Variants in GUCA1C observed in about 807,000 individuals in gnomAD.
The protein encoded by GUCA1C is guanylate cyclase activator 1C.
Under a neutral mutation model 16.2 loss-of-function variants are expected in GUCA1C, and 15 were observed. The ratio of observed to expected loss-of-function variants is 0.93; its 90% CI spans 0.62 to 1.43. The LOEUF (loss-of-function observed/expected upper bound fraction) is 1.43. Ranked by LOEUF, GUCA1C falls within the 40% of genes most tolerant of loss-of-function variation. The probability of loss-of-function intolerance (pLI) is 0.00; values close to 1 mark genes in which losing one functional copy is unlikely to be tolerated. For missense variants in GUCA1C, 275 were observed against 244.8 expected (o/e 1.12, Z -0.82); for synonymous variants, 78 against 85.4 (o/e 0.91, Z 0.48).
intron 3 of GUCA1C, among the ~76,000 whole-genome samples, chr3:108,913,717 T>G (rs1290841273): frequency 1.3e-5 from 2 of 152,162 alleles, no homozygotes; most frequent in African/African-American, 4.8e-5. Flanking sequence ...TAGCGATTCA[T>G]AGGTACTCCA....
chr3:108,921,312 T>C (rs186714247), intron 1 of GUCA1C, among the ~76,000 whole-genome samples: 1 of 152,312 alleles, frequency 6.6e-6, no homozygotes, highest in Non-Finnish European at 1.5e-5. Context: ...TACTCCATTG[T>C]CTGGATGTAC....
At chr3:108,935,640 G>C (rs978904072) in intron 1 of GUCA1C, among the ~76,000 whole-genome samples, 1 of 152,022 alleles carries the variant, frequency 6.6e-6, no homozygotes, top group Non-Finnish European at 1.5e-5. Flanking sequence ...AGGTTACAGT[G>C]AGCCAAGATT....
At chr3:108,920,069 T>C (rs1439481118) in intron 2 of GUCA1C, among the ~76,000 whole-genome samples, 2 of 152,214 alleles carry the variant, frequency 1.3e-5, no homozygotes, top group Non-Finnish European at 2.9e-5. Flanking sequence ...ACCTTCATTC[T>C]TAGTCCATGT....
chr3:108,944,593 C>T (rs1463403578), intron 1 of GUCA1C, among the ~76,000 whole-genome samples: 1 of 152,204 alleles, frequency 6.6e-6, no homozygotes, highest in African/African-American at 2.4e-5. Flanking sequence ...TTATGTTGTG[C>T]AGCCCCTGCC....
chr3:108,917,260 A>G (rs1251290622), intron 2 of GUCA1C, among the ~76,000 whole-genome samples: 2 of 152,330 alleles, frequency 1.3e-5, no homozygotes, highest in Non-Finnish European at 1.5e-5. Context: ...GTATCCCCAC[A>G]TTCTGAAGTG....
At chr3:108,930,249 G>C (rs1304774804) in intron 1 of GUCA1C, among the ~76,000 whole-genome samples, 1 of 152,156 alleles carries the variant, frequency 6.6e-6, no homozygotes, top group African/African-American at 2.4e-5. Flanking sequence ...GCCAGGGCCT[G>C]TTTACAAAAC....
At chr3:108,927,642 A>T (rs941450370) in intron 1 of GUCA1C, among the ~76,000 whole-genome samples, 5 of 151,750 alleles carry the variant, frequency 3.3e-5, no homozygotes, top group Admixed American at 1.3e-4. Context: ...TTTTCCTTTC[A>T]TATCCTGTAT....
chr3:108,937,477 T>C (rs1946737768), intron 1 of GUCA1C, among the ~76,000 whole-genome samples: 1 of 152,192 alleles, frequency 6.6e-6, no homozygotes, highest in African/African-American at 2.4e-5. Context: ...AATTTATAAA[T>C]TGAGTAATGT....
At position 108,913,711 on chromosome 3, in the gene GUCA1C, GA is replaced by G. The variant is rs535689670; in HGVS notation, c.442+2415del. Among the ~76,000 whole-genome samples, 300 of 152,170 alleles carry G rather than the reference GA, an allele frequency of 2.0e-3. 2 individuals are homozygous for G. The highest frequency in any genetic ancestry group is 6.8e-3 in the African/African-American group (282 of 41,516). On this transcript the variant is annotated intron_variant, in intron 3 of 3. Transcript: ENST00000261047. The stretch of plus-strand genomic sequence containing the variant: ...GTATATGCATTTGCTAAGAAATAGC[GA>G]TTCATAGGTACTCCAAAGTGTATAT...
chr3:108,910,650 C>T lies in GUCA1C; in HGVS notation c.443-2441G>A, dbSNP rs1039201739. On this transcript the variant is annotated intron_variant, in intron 3 of 3. Transcript: ENST00000261047. The stretch of plus-strand genomic sequence containing the variant: ...TACAGACACATTTCAATTTTTTTTT[C>T]TTCTTCTTCTTTTTTTTGAGACGGA... 4.9e-4 allele frequency among the ~76,000 whole-genome samples: 73 copies of T among 149,378 alleles called. 1 individual carries two copies. Among genetic ancestry groups the T allele is most frequent in the East Asian group, 2.0e-4 (1 of 5,040 alleles).
chr3:108,922,169 AC>A (rs1159382498), intron 1 of GUCA1C, among the ~76,000 whole-genome samples: 3 of 20,704 alleles, frequency 1.4e-4, no homozygotes, highest in East Asian at 8.2e-4. Context: ...AAACACACAC[AC>A]ACACACACAC....
rs573684222 is a variant in GUCA1C, at chr3:108,907,888, A to G, written c.*134T>C. 60 of 636,220 alleles carry G rather than the reference A, an allele frequency of 9.4e-5. 1 individual carries two copies. In the South Asian group the frequency reaches 1.2e-3, roughly 13 times the overall value. 39.4% of individuals were successfully genotyped at this position (636,220 alleles called of 1,614,324 possible). ...TTATGCAAGTCTCTACTGGATTAAA[A>G]TAAGTGCTATATTCACAAGCCTATA... On this transcript the variant is annotated 3_prime_UTR_variant, in exon 4 of 4. Transcript: ENST00000261047.
chr3:108,938,970 G>C (rs1946756982), intron 1 of GUCA1C, among the ~76,000 whole-genome samples: 1 of 152,114 alleles, frequency 6.6e-6, no homozygotes, highest in South Asian at 2.1e-4. Flanking sequence ...TGTGGGTTTG[G>C]GGAAGGCAAG....
chr3:108,946,230 C>T (rs1014625178), intron 1 of GUCA1C, among the ~76,000 whole-genome samples: 2 of 152,204 alleles, frequency 1.3e-5, no homozygotes, highest in Non-Finnish European at 2.9e-5. Flanking sequence ...CAGACTCAAG[C>T]GATCCTCCCA....
intron 1 of GUCA1C, among the ~76,000 whole-genome samples, chr3:108,952,513 A>C (rs1946904526): frequency 6.6e-6 from 1 of 152,200 alleles, no homozygotes; most frequent in Non-Finnish European, 1.5e-5. Flanking sequence ...ACAAGGATTA[A>C]AACAGCTGTT....
chr3:108,935,055 C>T (rs1003416532), intron 1 of GUCA1C, among the ~76,000 whole-genome samples: 4 of 151,764 alleles, frequency 2.6e-5, no homozygotes, highest in South Asian at 2.1e-4. Context: ...CCTCGTGATC[C>T]GCCCGCCTCG....
At chr3:108,918,093 C>G (rs1451334308) in intron 2 of GUCA1C, among the ~76,000 whole-genome samples, 1 of 152,180 alleles carries the variant, frequency 6.6e-6, no homozygotes, top group Non-Finnish European at 1.5e-5. Context: ...CATTTTTAGA[C>G]TAGGCAATTC....
chr3:108,941,307 C>A (rs767980720), intron 1 of GUCA1C, among the ~76,000 whole-genome samples: 3 of 152,194 alleles, frequency 2.0e-5, no homozygotes, highest in Non-Finnish European at 2.9e-5. Flanking sequence ...CTGAAAATAA[C>A]AACCTAAGGA....
chr3:108,951,967 T>C (rs1424870871), intron 1 of GUCA1C, among the ~76,000 whole-genome samples: 1 of 152,228 alleles, frequency 6.6e-6, no homozygotes, highest in Non-Finnish European at 1.5e-5. Flanking sequence ...ACCACTGACA[T>C]GTACAATGCG....
Sources: gnomAD v4.1 joint callset for allele counts (sites outside exome capture counted in the v4.1 genomes callset) on GRCh38, gnomAD v4.1.1 for gene constraint, MANE v1.5 for transcripts, NCBI Gene and HGNC (gene_info 2026-07-23, HGNC 2026-07-21) for gene names.